SPATA16: variants seen among roughly 807,000 people sequenced by gnomAD.
SPATA16 encodes spermatogenesis associated 16, also known as spermatogenesis-associated protein 16.
SPATA16 carries 36 observed loss-of-function variants against 63.3 expected under a neutral mutation model. That is an observed-to-expected ratio of 0.57 (90% confidence interval 0.44 to 0.75). The LOEUF is 0.75. SPATA16 is among the 30% of genes least tolerant of loss of function. The pLI, the probability that SPATA16 is intolerant of heterozygous loss-of-function variation, is 0.00. For synonymous variants in SPATA16, 203 were observed against 216.7 expected (o/e 0.94, Z 0.56); for missense variants, 646 against 679.3 (o/e 0.95, Z 0.54).
At chr3:173,033,862 G>A (rs1314958514) in intron 3 of SPATA16, among the ~76,000 whole-genome samples, 2 of 151,940 alleles carry the variant, frequency 1.3e-5, no homozygotes, top group African/African-American at 4.8e-5. Context: ...GCACCACCAC[G>A]CCTGGCTAAT....
At chr3:173,010,433 GGC>G (rs1735041964) in intron 4 of SPATA16, among the ~76,000 whole-genome samples, 1 of 117,278 alleles carries the variant, frequency 8.5e-6, no homozygotes, top group Non-Finnish European at 1.7e-5. Context: ...GGCACGTTGT[GGC>G]GTGTGTGTGT....
intron 2 of SPATA16, among the ~76,000 whole-genome samples, chr3:173,061,965 T>G (rs1330710202): frequency 2.6e-5 from 4 of 152,124 alleles, no homozygotes; most frequent in Admixed American, 2.6e-4. Flanking sequence ...GGTTACTCCC[T>G]GAGTGACAAG....
intron 9 of SPATA16, 97 bp from the exon 10 acceptor site, chr3:172,913,841 G>T: frequency 9.4e-7 from 1 of 1,065,834 alleles, no homozygotes; most frequent in Non-Finnish European, 1.4e-6. Flanking sequence ...TCATTTGTAC[G>T]CTGATGATTT....
At chr3:172,955,014 A>G (rs1733537345) in intron 6 of SPATA16, among the ~76,000 whole-genome samples, 1 of 152,240 alleles carries the variant, frequency 6.6e-6, no homozygotes, top group African/African-American at 2.4e-5. Context: ...ACTTATAATT[A>G]TCTTCTCTCC....
At chr3:173,092,913 T>A (rs886405814) in intron 2 of SPATA16, among the ~76,000 whole-genome samples, 1 of 152,074 alleles carries the variant, frequency 6.6e-6, no homozygotes, top group Non-Finnish European at 1.5e-5. Flanking sequence ...TTCTGAGAGT[T>A]CCTGTCTTCT....
chr3:173,031,656 T>C (rs895588323), intron 3 of SPATA16, among the ~76,000 whole-genome samples: 1 of 151,962 alleles, frequency 6.6e-6, no homozygotes, highest in South Asian at 2.1e-4. Flanking sequence ...AAAATGAGAA[T>C]AGAAAGAAAA....
At chr3:173,047,731 G>C (rs1040782231) in intron 3 of SPATA16, among the ~76,000 whole-genome samples, 1 of 151,822 alleles carries the variant, frequency 6.6e-6, no homozygotes, top group South Asian at 2.1e-4. Context: ...TTGTTTGACC[G>C]ACCATATATC....
chr3:172,984,718 G>A (rs1311356519), intron 4 of SPATA16, among the ~76,000 whole-genome samples: 1 of 152,126 alleles, frequency 6.6e-6, no homozygotes, highest in East Asian at 1.9e-4. Flanking sequence ...GCTCCTGCAA[G>A]ACTATCAAGT....
chr3:173,057,670 T>A (rs1288084120), intron 2 of SPATA16, among the ~76,000 whole-genome samples: 1 of 152,260 alleles, frequency 6.6e-6, no homozygotes, highest in Admixed American at 6.5e-5. Context: ...CCCTAGAGTC[T>A]GTGCGTTTAA....
chr3:173,044,003 T>C (rs1735904640), intron 3 of SPATA16, among the ~76,000 whole-genome samples: 2 of 152,136 alleles, frequency 1.3e-5, no homozygotes. Flanking sequence ...AATGCGTTGT[T>C]TTTCTTTGGC....
chr3:172,925,225 G>T, intron 7 of SPATA16, 121 bp downstream of exon 7: 3 of 1,084,462 alleles, frequency 2.8e-6, no homozygotes, highest in Non-Finnish European at 2.7e-6. Context: ...AGAATTCCAG[G>T]TATTGTTAAC....
intron 2 of SPATA16, among the ~76,000 whole-genome samples, chr3:173,072,091 C>G (rs2108307824): frequency 6.6e-6 from 1 of 152,244 alleles, no homozygotes; most frequent in Middle Eastern, 3.4e-3. Flanking sequence ...ATGAATCATT[C>G]TACAGAAAAG....
At chr3:173,115,111 G>A (rs1737859970) in intron 2 of SPATA16, among the ~76,000 whole-genome samples, 1 of 152,136 alleles carries the variant, frequency 6.6e-6, no homozygotes, top group African/African-American at 2.4e-5. Context: ...CGGGGAAGGA[G>A]AGAGAGAGAA....
Position 172,956,832 on chromosome 3 carries a change from G to A in SPATA16, c.934-8C>T. ...GGCTTCCTCAATCATGGCCTAAGAG[G>A]AAACAAACAACCCATTTGGCATCAA... On this transcript the variant is annotated splice_region_variant and splice_polypyrimidine_tract_variant and intron_variant, in intron 5 of 10. Coordinates refer to ENST00000351008, the MANE Select transcript of SPATA16 (RefSeq NM_031955.6). The A allele has an allele frequency of 6.2e-7, 1 of 1,612,900 alleles. No individual in the cohort carries two copies. Among genetic ancestry groups the A allele is most frequent in the Non-Finnish European group, 8.5e-7 (1 of 1,179,378 alleles).
chr3:173,121,533 G>A (rs1474521791), intron 1 of SPATA16, among the ~76,000 whole-genome samples: 2 of 151,976 alleles, frequency 1.3e-5, no homozygotes, highest in African/African-American at 4.8e-5. Context: ...AATACTGATG[G>A]CATTTATAGC....
intron 5 of SPATA16, among the ~76,000 whole-genome samples, chr3:172,962,137 C>T (rs1733801852): frequency 6.6e-6 from 1 of 151,004 alleles, no homozygotes; most frequent in African/African-American, 2.4e-5. Context: ...CCTGTAATAC[C>T]AGCTACTTGG....
chr3:173,054,609 GA>G (rs755932699), intron 2 of SPATA16, among the ~76,000 whole-genome samples: 4 of 152,000 alleles, frequency 2.6e-5, no homozygotes, highest in Non-Finnish European at 4.4e-5. Context: ...ACCAAGAGGG[GA>G]ACAACACACA....
chr3:172,952,224 C>T (rs1006501726), intron 6 of SPATA16, among the ~76,000 whole-genome samples: 4 of 152,040 alleles, frequency 2.6e-5, no homozygotes, highest in Non-Finnish European at 5.9e-5. Context: ...TTTATTTGAT[C>T]GAGTTAGCAA....
chr3:172,902,113 C>G (rs538217171), intron 10 of SPATA16, among the ~76,000 whole-genome samples: 1 of 152,328 alleles, frequency 6.6e-6, no homozygotes, highest in Non-Finnish European at 1.5e-5. Context: ...TCTCGGCTCA[C>G]TGAAACCTCC....
Sources: allele counts gnomAD v4.1 joint callset (sites outside exome capture counted in the v4.1 genomes callset), GRCh38; gene constraint gnomAD v4.1.1; transcripts MANE v1.5; gene names NCBI Gene and HGNC (gene_info 2026-07-23, HGNC 2026-07-21).